Variants in TRPC4 observed in about 807,000 individuals in gnomAD.
TRPC4 encodes the protein short transient receptor potential channel 4.
In TRPC4, 49 loss-of-function variants were observed where a neutral mutation model predicts 99.4. That is an observed-to-expected ratio of 0.49 (90% confidence interval 0.39 to 0.63). The LOEUF is 0.63. Among genes scored for constraint, TRPC4 ranks in the 20% least tolerant of loss-of-function variants. The probability of loss-of-function intolerance (pLI) is 0.00; values close to 1 mark genes in which losing one functional copy is unlikely to be tolerated. For missense variants in TRPC4, 898 were observed against 1,152.9 expected, an observed-to-expected ratio of 0.78 and a Z score of 3.20; for synonymous variants, 454 against 425.9, an observed-to-expected ratio of 1.07 and a Z score of -0.81.
intron 2 of TRPC4, among the ~76,000 whole-genome samples, chr13:37,762,994 C>A (rs1956266197): frequency 6.6e-6 from 1 of 151,338 alleles, no homozygotes; most frequent in African/African-American, 2.4e-5. Context: ...TATAAGGTTT[C>A]ATTTAAATAA....
At chr13:37,857,701 T>G (rs552097500) in intron 1 of TRPC4, among the ~76,000 whole-genome samples, 1 of 151,778 alleles carries the variant, frequency 6.6e-6, no homozygotes, top group South Asian at 2.1e-4. Flanking sequence ...ACTGGGAAAC[T>G]GGATATCCAT....
intron 3 of TRPC4, among the ~76,000 whole-genome samples, chr13:37,710,903 G>A (rs1428645954): frequency 2.0e-5 from 3 of 151,820 alleles, no homozygotes; most frequent in African/African-American, 7.2e-5. Context: ...TGAGAAATAA[G>A]CTTCTGGGGC....
rs953766815 is a variant in TRPC4 at position 37,639,297 on chromosome 13, C to T, written c.2082G>A (p.Arg694=). ...GTCTTCTCAAGTTATCAGCAGCTCG[C>T]CTCTGAAAAGGAAAAGGACATTCCT... ...RKPESFGTIG[R]RAADNLRRHH... is the part of the protein sequence containing the mutation. The change falls in exon 9 of 11, where the codon AGG becomes AGA. Residue 694 remains arginine (R), a splice_region_variant and synonymous_variant. Coordinates refer to ENST00000379705, the MANE Select transcript of TRPC4 (RefSeq NM_016179.4). 3.7e-6 allele frequency: 6 copies of T among 1,613,316 alleles called. 1 individual carries two copies. In the South Asian group the frequency reaches 6.6e-5, roughly 18 times the overall value.
At chr13:37,722,044 T>C (rs1433330734) in intron 3 of TRPC4, among the ~76,000 whole-genome samples, 4 of 152,206 alleles carry the variant, frequency 2.6e-5, no homozygotes, top group Non-Finnish European at 5.9e-5. Flanking sequence ...TTCTTTGATA[T>C]AACAATTTCA....
chr13:37,651,424 T>C lies in TRPC4; in HGVS notation c.1920A>G (p.Thr640=), dbSNP rs962073671. The change falls in exon 8 of 11, where the codon ACA becomes ACG. Residue 640 remains threonine, a synonymous_variant. Coordinates refer to ENST00000379705, the MANE Select transcript of TRPC4 (RefSeq NM_016179.4). ...HADIEWKFAR[T]KLWMSYFEEG... ...CTTCAAAATAACTCATCCAAAGCTT[T>C]GTTCGTGCAAATTTCCATTCTATAT... is the stretch of plus-strand genomic sequence containing the variant. The C allele has an allele frequency of 6.2e-7, 1 of 1,614,080 alleles. No individual in the cohort carries two copies. The highest frequency in any genetic ancestry group is 8.5e-7 in the Non-Finnish European group (1 of 1,179,966).
chr13:37,713,098 C>T (rs184048724), intron 3 of TRPC4, among the ~76,000 whole-genome samples: 64 of 152,188 alleles, frequency 4.2e-4, no homozygotes, highest in South Asian at 1.2e-3. Context: ...AGGAATCTGA[C>T]GACCATGGAA....
At chr13:37,745,573 C>T (rs1955752692) in intron 3 of TRPC4, among the ~76,000 whole-genome samples, 1 of 139,682 alleles carries the variant, frequency 7.2e-6, no homozygotes. Context: ...AATATTAAAT[C>T]CATTCAGCAG....
chr13:37,706,920 T>C (rs1163359274), intron 3 of TRPC4, among the ~76,000 whole-genome samples: 1 of 152,200 alleles, frequency 6.6e-6, no homozygotes, highest in Non-Finnish European at 1.5e-5. Context: ...TGGTATTCAA[T>C]ATTCTTCAAT....
chr13:37,716,789 A>T (rs1036771949), intron 3 of TRPC4, among the ~76,000 whole-genome samples: 2 of 152,164 alleles, frequency 1.3e-5, no homozygotes, highest in Admixed American at 1.3e-4. Flanking sequence ...TGGTATTTTT[A>T]AACTAGGAAG....
At position 37,684,323 on chromosome 13, in the gene TRPC4, G is replaced by C. The variant is rs1017439499; in HGVS notation, c.1234+7676C>G. Among the ~76,000 whole-genome samples the C allele has an allele frequency of 2.6e-5, 4 of 151,916 alleles. No individual in the cohort carries two copies. The East Asian group carries it at 7.7e-4, about 29-fold the overall frequency. ...TTTGACACCATTATTTTAACATTTT[G>C]AGAAAAAAAACTAGGAATATATAAT... On this transcript the variant is annotated intron_variant, in intron 4 of 10. Coordinates refer to ENST00000379705, the MANE Select transcript of TRPC4 (RefSeq NM_016179.4).
intron 3 of TRPC4, among the ~76,000 whole-genome samples, chr13:37,734,798 A>G (rs1029570949): frequency 5.3e-5 from 8 of 152,158 alleles, no homozygotes; most frequent in Admixed American, 1.3e-4. Context: ...AACAATGTCC[A>G]TCATTTAACA....
intron 1 of TRPC4, among the ~76,000 whole-genome samples, chr13:37,859,164 G>T (rs1307263809): frequency 1.3e-5 from 2 of 151,446 alleles, no homozygotes; most frequent in African/African-American, 4.8e-5. Context: ...AATGGGAAGA[G>T]AGCTGTAAAT....
chr13:37,783,282 T>C lies in TRPC4; in HGVS notation c.52A>G (p.Ile18Val), dbSNP rs1166496205. The C allele has an allele frequency of 1.9e-6, 3 of 1,612,698 alleles. No homozygotes were observed. The highest frequency in any genetic ancestry group is 2.5e-6 in the Non-Finnish European group (3 of 1,179,384). The change falls in exon 2 of 11, where the codon ATC becomes GTC. Residue 18 changes from isoleucine to valine, a missense_variant. Coordinates refer to ENST00000379705, the MANE Select transcript of TRPC4 (RefSeq NM_016179.4). ...TCTGCTCTTACTATCCTTAGAGGGATGCGGTCTCTATAGGGAGCATTAACA... is the reference window on the plus strand; with the variant it reads ...TCTGCTCTTACTATCCTTAGAGGGACGCGGTCTCTATAGGGAGCATTAACA... ...RNVNAPYRDR[I>V]PLRIVRAESE...
rs544050948 is a variant in TRPC4, at chr13:37,740,158, AT to A, written c.897+5778del. Among the ~76,000 whole-genome samples the A allele has an allele frequency of 4.6e-5, 7 of 152,124 alleles. No homozygotes were observed. The East Asian group carries it at 5.8e-4, about 13-fold the overall frequency. On this transcript the variant is annotated intron_variant, in intron 3 of 10. Transcript: ENST00000379705. ...ACATTATCATTAACTTACCTGTGTG[AT>A]TTTTTTTAAAGATGGGTAGGGTACA...
intron 1 of TRPC4, among the ~76,000 whole-genome samples, chr13:37,854,518 G>A (rs1020539705): frequency 6.6e-6 from 1 of 152,024 alleles, no homozygotes; most frequent in African/African-American, 2.4e-5. Flanking sequence ...TAAGCACACA[G>A]TAAAACACAG....
intron 1 of TRPC4, among the ~76,000 whole-genome samples, chr13:37,836,190 C>G (rs1958560194): frequency 1.3e-5 from 2 of 152,110 alleles, no homozygotes; most frequent in African/African-American, 4.8e-5. Flanking sequence ...AACTGTAAGT[C>G]CATTAAACCT....
At chr13:37,805,402 C>T (rs1482922389) in intron 1 of TRPC4, among the ~76,000 whole-genome samples, 1 of 151,876 alleles carries the variant, frequency 6.6e-6, no homozygotes, top group Non-Finnish European at 1.5e-5. Context: ...TTCTGTGATG[C>T]CTTCACTGGG....
At chr13:37,698,147 A>G (rs1249436735) in intron 3 of TRPC4, among the ~76,000 whole-genome samples, 1 of 48,852 alleles carries the variant, frequency 2.0e-5, no homozygotes. Flanking sequence ...CCAGTTCTCA[A>G]GGTTACTCCA....
At chr13:37,740,749 A>T (rs570570018) in intron 3 of TRPC4, among the ~76,000 whole-genome samples, 2 of 152,180 alleles carry the variant, frequency 1.3e-5, no homozygotes, top group African/African-American at 4.8e-5. Context: ...CAGAACCAAC[A>T]ATCTTGAGAT....
Sources: gnomAD v4.1 joint callset for allele counts (sites outside exome capture counted in the v4.1 genomes callset) on GRCh38, gnomAD v4.1.1 for gene constraint, MANE v1.5 for transcripts, NCBI Gene and HGNC (gene_info 2026-07-23, HGNC 2026-07-21) for gene names.